Variants in PLCL1 observed in about 807,000 individuals in gnomAD.
The protein encoded by PLCL1 is inactive phospholipase C-like protein 1.
In PLCL1, 41 loss-of-function variants were observed where a neutral mutation model predicts 84.4. The observed-to-expected ratio is 0.49, with a 90% CI of 0.38 to 0.63. PLCL1 has a LOEUF of 0.63. Ranked by LOEUF, PLCL1 falls within the 30% of genes least tolerant of loss-of-function variation. The pLI is 0.00. For synonymous variants in PLCL1, 490 were observed against 488.3 expected, an observed-to-expected ratio of 1.00 and a Z score of -0.05; for missense variants, 1,206 against 1,367.8, an observed-to-expected ratio of 0.88 and a Z score of 1.87.
chr2:197,828,742 G>T lies in PLCL1; in HGVS notation c.240+23403G>T, dbSNP rs527731605. On this transcript the variant is annotated intron_variant, in intron 1 of 5. Transcript: ENST00000428675. Reference sequence around the variant, plus strand: ...TCGAATATTCCAGTCATTGCCATTTGGGTAAAAGCAAATACTAAAAGCTGT... The same window carrying T: ...TCGAATATTCCAGTCATTGCCATTTTGGTAAAAGCAAATACTAAAAGCTGT... 9.1e-4 allele frequency among the ~76,000 whole-genome samples: 139 copies of T among 152,154 alleles called. 2 individuals carry two copies. The highest frequency in any genetic ancestry group is 3.2e-3 in the African/African-American group (132 of 41,526).
intron 1 of PLCL1, among the ~76,000 whole-genome samples, chr2:197,855,850 A>G (rs550925591): frequency 6.6e-6 from 1 of 152,224 alleles, no homozygotes; most frequent in African/African-American, 2.4e-5. Context: ...TATGCTTTTA[A>G]TTCACTACAG....
At chr2:197,832,738 A>G (rs1193847631) in intron 1 of PLCL1, among the ~76,000 whole-genome samples, 2 of 152,260 alleles carry the variant, frequency 1.3e-5, no homozygotes, top group African/African-American at 4.8e-5. Flanking sequence ...ATGAACATCA[A>G]TGCGAAAATC....
chr2:198,141,158 G>C (rs1694376584), intron 5 of PLCL1, among the ~76,000 whole-genome samples: 1 of 152,172 alleles, frequency 6.6e-6, no homozygotes, highest in Non-Finnish European at 1.5e-5. Context: ...TATTTCTTGA[G>C]TGTTCATGGA....
chr2:198,120,193 TG>T (rs1264028400), intron 5 of PLCL1, among the ~76,000 whole-genome samples: 1 of 151,974 alleles, frequency 6.6e-6, no homozygotes, highest in Non-Finnish European at 1.5e-5. Context: ...AAATAATTTT[TG>T]TGGGTACATA....
intron 1 of PLCL1, among the ~76,000 whole-genome samples, chr2:197,878,514 T>G (rs1328311328): frequency 6.6e-6 from 1 of 152,184 alleles, no homozygotes; most frequent in Non-Finnish European, 1.5e-5. Context: ...TTTTGGAATA[T>G]GAATGCATTT....
chr2:198,118,174 T>C (rs1457271968), intron 5 of PLCL1, among the ~76,000 whole-genome samples: 2 of 151,956 alleles, frequency 1.3e-5, no homozygotes, highest in African/African-American at 2.4e-5. Flanking sequence ...GTAAGCAATA[T>C]AATAATTACA....
chr2:197,919,290 G>T (rs944606108), intron 1 of PLCL1, among the ~76,000 whole-genome samples: 1 of 152,156 alleles, frequency 6.6e-6, no homozygotes, highest in African/African-American at 2.4e-5. Context: ...TTATAGAGTT[G>T]TAAGACAACA....
intron 1 of PLCL1, among the ~76,000 whole-genome samples, chr2:197,890,715 T>C (rs979139480): frequency 8.3e-6 from 1 of 120,842 alleles, no homozygotes; most frequent in Admixed American, 8.5e-5. Flanking sequence ...CACACACATA[T>C]ACGTATATAT....
At chr2:198,061,260 G>A (rs1692192684) in intron 1 of PLCL1, among the ~76,000 whole-genome samples, 1 of 152,172 alleles carries the variant, frequency 6.6e-6, no homozygotes, top group South Asian at 2.1e-4. Flanking sequence ...TCTAAAACGT[G>A]CACTCTGTTA....
chr2:197,846,778 C>T (rs700681), intron 1 of PLCL1, among the ~76,000 whole-genome samples: 1 of 151,928 alleles, frequency 6.6e-6, no homozygotes, highest in African/African-American at 2.4e-5. Context: ...GAGAAAGCAA[C>T]GAAGTCGCAC....
At chr2:197,948,093 G>A (rs144577488) in intron 1 of PLCL1, among the ~76,000 whole-genome samples, 203 of 152,252 alleles carry the variant, frequency 1.3e-3, no homozygotes, top group African/African-American at 4.3e-3. Flanking sequence ...TTATGTGATA[G>A]TGATGGGGAT....
intron 1 of PLCL1, among the ~76,000 whole-genome samples, chr2:197,993,600 G>T (rs916540183): frequency 2.0e-5 from 3 of 152,130 alleles, no homozygotes; most frequent in Non-Finnish European, 4.4e-5. Flanking sequence ...GGCCTGAGGG[G>T]ACAAGGAGAA....
chr2:198,064,448 T>G (rs541828396), intron 1 of PLCL1, among the ~76,000 whole-genome samples: 1 of 152,330 alleles, frequency 6.6e-6, no homozygotes, highest in African/African-American at 2.4e-5. Context: ...ATATTACCAG[T>G]GCAAATAACA....
chr2:197,983,195 C>CTTTTTTTTTTTTTTTTTTTTTTTTTTT (rs1690149660), intron 1 of PLCL1, among the ~76,000 whole-genome samples: 1 of 51,708 alleles, frequency 1.9e-5, no homozygotes, highest in Non-Finnish European at 4.2e-5. Context: ...TTTTTCTTTT[C>CTTTTTTTTTTTTTTTTTTTTTTTTTTT]TTTTCTTTTT....
At chr2:198,053,716 T>C (rs559778564) in intron 1 of PLCL1, among the ~76,000 whole-genome samples, 42 of 152,114 alleles carry the variant, frequency 2.8e-4, no homozygotes, top group Non-Finnish European at 4.3e-4. Flanking sequence ...GTGATAGAAA[T>C]AGAAAGGAAG....
chr2:197,949,149 A>T (rs111874828), intron 1 of PLCL1, among the ~76,000 whole-genome samples: 5 of 152,276 alleles, frequency 3.3e-5, no homozygotes, highest in African/African-American at 1.2e-4. Context: ...ATTATCTGAG[A>T]TTTCACAGAT....
intron 1 of PLCL1, among the ~76,000 whole-genome samples, chr2:197,829,933 AT>A (rs1406004766): frequency 2.0e-5 from 3 of 152,226 alleles, no homozygotes; most frequent in Non-Finnish European, 4.4e-5. Context: ...CATGATCTAC[AT>A]TTACTCATTT....
intron 1 of PLCL1, among the ~76,000 whole-genome samples, chr2:197,912,281 A>T (rs555631971): frequency 2.4e-4 from 36 of 152,012 alleles, no homozygotes; most frequent in African/African-American, 8.2e-4. Context: ...AATCATTAAA[A>T]AGTCAGGAAA....
At chr2:198,036,965 T>A (rs886957128) in intron 1 of PLCL1, among the ~76,000 whole-genome samples, 1 of 152,106 alleles carries the variant, frequency 6.6e-6, no homozygotes, top group Non-Finnish European at 1.5e-5. Context: ...CAATGCCAAA[T>A]CTTCTTAAAT....
Sources: gnomAD v4.1 joint callset for allele counts (sites outside exome capture counted in the v4.1 genomes callset) on GRCh38, gnomAD v4.1.1 for gene constraint, MANE v1.5 for transcripts, NCBI Gene and HGNC (gene_info 2026-07-23, HGNC 2026-07-21) for gene names.